EHBP1: variants seen among roughly 807,000 people sequenced by gnomAD.
The protein encoded by EHBP1 is EH domain binding protein 1.
Under a neutral mutation model 144.0 loss-of-function variants are expected in EHBP1, and 55 were observed. That is an observed-to-expected ratio of 0.38 (90% CI 0.31 to 0.48). The LOEUF is 0.48. Among genes scored for constraint, EHBP1 ranks in the 20% least tolerant of loss-of-function variants. The probability of loss-of-function intolerance (pLI) is 0.98; values close to 1 mark genes in which losing one functional copy is unlikely to be tolerated. For missense variants in EHBP1, 1,200 were observed against 1,364.2 expected (o/e 0.88, Z 1.90); for synonymous variants, 469 against 472.7 (o/e 0.99, Z 0.10).
intron 10 of EHBP1, among the ~76,000 whole-genome samples, chr2:62,929,957 A>G (rs1043835931): frequency 6.6e-5 from 10 of 152,222 alleles, no homozygotes; most frequent in African/African-American, 2.4e-4. Flanking sequence ...TTCATTAACA[A>G]TAGCATCAGC....
chr2:62,751,711 C>G (rs574938192), intron 3 of EHBP1, among the ~76,000 whole-genome samples: 3 of 151,974 alleles, frequency 2.0e-5, no homozygotes, highest in Non-Finnish European at 4.4e-5. Context: ...GTTTAGGCTT[C>G]GGAGGGTGTA....
chr2:62,864,719 A>G lies in EHBP1; in HGVS notation c.758-12A>G. On this transcript the variant is annotated splice_polypyrimidine_tract_variant and intron_variant, in intron 8 of 22. Transcript: ENST00000431489. ...ATTCATGTGATTTAATTCATCTGCT[A>G]TTATTTTATAGAACCTATCACTGAA... 10 of 1,596,754 alleles carry G rather than the reference A, an allele frequency of 6.3e-6. No homozygotes were observed. The highest frequency in any genetic ancestry group is 1.4e-5 in the African/African-American group (1 of 73,834).
chr2:62,956,161 C>T (rs2057684585), intron 14 of EHBP1: 1 of 152,204 alleles, frequency 6.6e-6, no homozygotes, highest in Non-Finnish European at 1.5e-5. Flanking sequence ...TGAACCTGAG[C>T]CTTATTAGAT....
At position 62,979,353 on chromosome 2, in the gene EHBP1, C is replaced by G. The variant is rs146025524; in HGVS notation, c.2608+18C>G. ...ATCTGGAGGTGAGTTAAAGAATCTT[C>G]TATCATTCTACAGACAACCCAGAAA... On this transcript the variant is annotated intron_variant, in intron 15 of 22. Transcript: ENST00000431489. 5.2e-4 allele frequency: 838 copies of G among 1,611,710 alleles called. 7 individuals carry two copies. The African/African-American group carries it at 9.5e-3, about 18-fold the overall frequency.
chr2:62,701,279 C>A (rs1211245799), upstream of EHBP1, among the ~76,000 whole-genome samples: 1 of 152,018 alleles, frequency 6.6e-6, no homozygotes, highest in Middle Eastern at 3.2e-3. Flanking sequence ...TTAATAAACC[C>A]AATATAGCCA....
In EHBP1 at chr2:62,836,151, C is replaced by T. The variant is rs1302666282; in HGVS notation, c.634+4993C>T. Among the ~76,000 whole-genome samples the T allele has an allele frequency of 3.9e-5, 6 of 152,214 alleles. No individual in the cohort carries two copies. The East Asian group carries it at 1.2e-3, about 29-fold the overall frequency. On this transcript the variant is annotated intron_variant, in intron 7 of 22. Coordinates refer to ENST00000431489, the MANE Select transcript of EHBP1 (RefSeq NM_001142616.3). The stretch of plus-strand genomic sequence containing the variant: ...AGCACGCAGCTGGAGATCTGAGAAC[C>T]GGCAGACTGCCTCCTCAAATGGGTC...
intron 5 of EHBP1, among the ~76,000 whole-genome samples, chr2:62,786,667 A>G (rs2042826218): frequency 6.6e-6 from 1 of 152,198 alleles, no homozygotes; most frequent in South Asian, 2.1e-4. Context: ...GTTAGCTTTT[A>G]TGATTTAATT....
chr2:62,930,519 A>G (rs1411683360), intron 10 of EHBP1, among the ~76,000 whole-genome samples: 1 of 152,198 alleles, frequency 6.6e-6, no homozygotes, highest in African/African-American at 2.4e-5. Context: ...GTAAAAATAC[A>G]AAAATCCATG....
intron 5 of EHBP1, among the ~76,000 whole-genome samples, chr2:62,818,601 T>C (rs1042648113): frequency 1.3e-5 from 2 of 152,158 alleles, no homozygotes; most frequent in Non-Finnish European, 2.9e-5. Context: ...TAACTGCTTA[T>C]ATCAGCAAAG....
chr2:62,809,898 G>A (rs945712018), intron 5 of EHBP1, among the ~76,000 whole-genome samples: 2 of 151,900 alleles, frequency 1.3e-5, no homozygotes, highest in Admixed American at 6.6e-5. Flanking sequence ...CCAAAAATAC[G>A]TTCAACATAA....
chr2:62,984,705 G>C (rs2059115885), intron 15 of EHBP1, among the ~76,000 whole-genome samples: 1 of 152,160 alleles, frequency 6.6e-6, no homozygotes, highest in African/African-American at 2.4e-5. Flanking sequence ...TTCTTAAGAA[G>C]ACCTGAGCTG....
chr2:62,805,242 T>C (rs2044350060), intron 5 of EHBP1, among the ~76,000 whole-genome samples: 1 of 152,110 alleles, frequency 6.6e-6, no homozygotes, highest in Non-Finnish European at 1.5e-5. Context: ...ATTATGTCCA[T>C]AAAATGGAAT....
At position 62,743,928 on chromosome 2, in the gene EHBP1, A is replaced by T. The variant is rs576395702; in HGVS notation, c.105-3467A>T. 5.4e-4 allele frequency among the ~76,000 whole-genome samples: 82 copies of T among 152,128 alleles called. 1 individual carries two copies. The highest frequency in any genetic ancestry group is 2.3e-3 in the South Asian group (11 of 4,820). On this transcript the variant is annotated intron_variant, in intron 2 of 22. Transcript: ENST00000431489. ...CCTAGCCTCTTTCTTCCTTTCCAGA[A>T]TTTGACGTCAGGAGCACAATATGAG... is the stretch of plus-strand genomic sequence containing the variant.
At chr2:62,976,778 T>C (rs1362648975) in intron 14 of EHBP1, among the ~76,000 whole-genome samples, 1 of 152,130 alleles carries the variant, frequency 6.6e-6, no homozygotes. Context: ...CCTACTAACA[T>C]CTACTCAGAT....
intron 18 of EHBP1, among the ~76,000 whole-genome samples, chr2:62,995,064 G>T (rs1417622204): frequency 6.6e-6 from 1 of 152,036 alleles, no homozygotes; most frequent in African/African-American, 2.4e-5. Flanking sequence ...TTGTCTGTCT[G>T]TATGGGAATG....
At chr2:62,736,407 A>G (rs2038138474) in intron 2 of EHBP1, among the ~76,000 whole-genome samples, 1 of 151,648 alleles carries the variant, frequency 6.6e-6, no homozygotes, top group African/African-American at 2.4e-5. Context: ...TGTTTTTAGT[A>G]GAGATGGGGT....
intron 8 of EHBP1, among the ~76,000 whole-genome samples, chr2:62,862,081 G>T (rs1192693809): frequency 1.3e-5 from 2 of 152,080 alleles, no homozygotes; most frequent in Non-Finnish European, 2.9e-5. Context: ...TGTTAAGTTT[G>T]AATATTATCA....
In EHBP1 at chr2:63,021,643, G is replaced by C. The variant is rs1036694350; in HGVS notation, c.3104-15892G>C. ...CAACATTTCATAATTTGTTTTGACA[G>C]AGAATGACATCAGAGATGGATAAGT... On this transcript the variant is annotated intron_variant, in intron 19 of 22. Coordinates refer to ENST00000431489, the MANE Select transcript of EHBP1 (RefSeq NM_001142616.3). 6.6e-5 allele frequency among the ~76,000 whole-genome samples: 10 copies of C among 152,176 alleles called. No individual in the cohort carries two copies. In the East Asian group the frequency reaches 1.9e-3, roughly 29 times the overall value.
At chr2:63,031,208 G>C (rs1047860292) in intron 19 of EHBP1, among the ~76,000 whole-genome samples, 1 of 152,160 alleles carries the variant, frequency 6.6e-6, no homozygotes. Context: ...ACATGACTGT[G>C]AGAAGGCTAT....
Sources: allele counts gnomAD v4.1 joint callset (sites outside exome capture counted in the v4.1 genomes callset), GRCh38; gene constraint gnomAD v4.1.1; transcripts MANE v1.5; gene names NCBI Gene and HGNC (gene_info 2026-07-23, HGNC 2026-07-21).